ANO1: variants seen among roughly 807,000 people sequenced by gnomAD.
The protein encoded by ANO1 is anoctamin-1.
A neutral mutation model predicts 124.0 loss-of-function variants in ANO1; 59 were observed. The observed-to-expected ratio is 0.48, with a 90% CI of 0.39 to 0.59. The LOEUF (loss-of-function observed/expected upper bound fraction) is 0.59. ANO1 is among the 20% of genes least tolerant of loss of function. The probability of loss-of-function intolerance (pLI) is 0.00; values close to 1 mark genes in which losing one functional copy is unlikely to be tolerated. For missense variants in ANO1, 1,059 were observed against 1,328.0 expected (o/e 0.80, Z 3.15); for synonymous variants, 529 against 532.0 (o/e 0.99, Z 0.08).
chr11:70,116,323 G>T, intron 7 of ANO1, 135 bp from the exon 8 acceptor site: 1 of 954,594 alleles, frequency 1.0e-6, no homozygotes, highest in Non-Finnish European at 1.6e-6. Flanking sequence ...CACTCTGTGT[G>T]AAATGTTGCC....
chr11:70,003,562 C>T (rs1554999636), intron 1 of ANO1, among the ~76,000 whole-genome samples: 1 of 143,716 alleles, frequency 7.0e-6, no homozygotes, highest in African/African-American at 2.6e-5. Flanking sequence ...TAGCACAGAG[C>T]TGGGGCTTAA....
At chr11:70,000,234 T>C (rs1055504383) in intron 1 of ANO1, among the ~76,000 whole-genome samples, 4 of 152,014 alleles carry the variant, frequency 2.6e-5, no homozygotes, top group African/African-American at 9.7e-5. Flanking sequence ...GTTTCATTTG[T>C]GTGTTTGAGG....
At chr11:70,115,442 G>C (rs572457579) in intron 7 of ANO1, among the ~76,000 whole-genome samples, 4 of 152,090 alleles carry the variant, frequency 2.6e-5, no homozygotes, top group African/African-American at 9.7e-5. Flanking sequence ...GTGAAACCCT[G>C]TCTCTACTAA....
At chr11:70,145,949 A>G (rs1378932610) in intron 11 of ANO1, among the ~76,000 whole-genome samples, 1 of 125,132 alleles carries the variant, frequency 8.0e-6, no homozygotes, top group African/African-American at 4.3e-5. Flanking sequence ...AAAACAAAAA[A>G]AAAAAAAAAA....
At chr11:70,036,192 T>A (rs1555004382) in intron 1 of ANO1, among the ~76,000 whole-genome samples, 1 of 152,184 alleles carries the variant, frequency 6.6e-6, no homozygotes, top group Admixed American at 6.5e-5. Context: ...TGGAGTAGAA[T>A]CCTTCCTTGC....
intron 1 of ANO1, among the ~76,000 whole-genome samples, chr11:70,004,659 C>G (rs1296880208): frequency 1.3e-5 from 2 of 152,234 alleles, no homozygotes; most frequent in Admixed American, 6.5e-5. Flanking sequence ...CAAAAAATAT[C>G]GTGGAGCAAT....
At chr11:70,181,927 C>A (rs1471595522) in intron 23 of ANO1, among the ~76,000 whole-genome samples, 1 of 152,230 alleles carries the variant, frequency 6.6e-6, no homozygotes, top group African/African-American at 2.4e-5. Flanking sequence ...ACAGGTAAGA[C>A]ACCAGAGGCA....
chr11:70,104,258 T>A (rs1045614147), intron 4 of ANO1, 108 bp downstream of exon 4: 28 of 1,309,086 alleles, frequency 2.1e-5, no homozygotes, highest in South Asian at 1.3e-4. Context: ...GAAGAGCGTG[T>A]TCTTGTAAGA....
chr11:70,046,980 T>G (rs145215267), intron 1 of ANO1, among the ~76,000 whole-genome samples: 4,330 of 150,494 alleles, frequency 0.029, 215 homozygotes, highest in African/African-American at 0.1. Flanking sequence ...CTCGGGAGGC[T>G]GAGGCAGGAG....
At chr11:70,057,353 A>G (rs1555007034) in intron 1 of ANO1, among the ~76,000 whole-genome samples, 2 of 152,148 alleles carry the variant, frequency 1.3e-5, no homozygotes, top group African/African-American at 4.8e-5. Flanking sequence ...TATGGAAAGC[A>G]GGTCTTTTTC....
At chr11:70,088,223 G>A (rs940006852) in intron 2 of ANO1, 139 bp downstream of exon 2, 4 of 676,322 alleles carry the variant, frequency 5.9e-6, no homozygotes, top group Admixed American at 7.2e-5. Flanking sequence ...TAAAGAAGGG[G>A]CAGACGGGCC....
chr11:69,979,563 G>A, the ANO1 span, among the ~76,000 whole-genome samples: 1 of 152,246 alleles, frequency 6.6e-6, no homozygotes, highest in Non-Finnish European at 1.5e-5. Context: ...TAGCTGTATG[G>A]CATTGCCCAG....
intron 1 of ANO1, among the ~76,000 whole-genome samples, chr11:70,025,884 A>ATGG (rs1856893126): frequency 1.3e-5 from 1 of 74,598 alleles, no homozygotes; most frequent in South Asian, 5.7e-4. Flanking sequence ...GGTGGTGGTG[A>ATGG]TGATGGTGAT....
At position 70,060,725 on chromosome 11, in the gene ANO1, A is replaced by G. The variant is rs386464382; in HGVS notation, c.59-17817A>G. 5.9e-3 allele frequency among the ~76,000 whole-genome samples: 904 copies of G among 152,330 alleles called. 35 individuals carry two copies. The highest frequency in any genetic ancestry group is 1.4e-3 in the Non-Finnish European group (96 of 68,034). ...GCGGCAGCTGCCACCACACGCAGAC[A>G]TAAGAGCCAGCCTAGAACTGTGAGG... On this transcript the variant is annotated intron_variant, in intron 1 of 27. Coordinates refer to the ANO1 transcript ENST00000531349.
rs200770702 is a variant in ANO1 at position 70,052,531 on chromosome 11, C to CTTTTTTTTTTTTTTT, written c.59-25987_59-25973dup. Among the ~76,000 whole-genome samples the CTTTTTTTTTTTTTTT allele has an allele frequency of 6.5e-4, 43 of 65,902 alleles. 3 individuals carry two copies. The highest frequency in any genetic ancestry group is 1.6e-3 in the Admixed American group (10 of 6,322). 43.2% of individuals were successfully genotyped at this position (65,902 alleles called of 152,430 possible). ...TTTGGGGAGAATTTCTTTTTCTTTT[C>CTTTTTTTTTTTTTTT]TTTTTTTTTTTTTTTTTTTTTTTTT... On this transcript the variant is annotated intron_variant, in intron 1 of 27. Transcript: ENST00000531349.
intron 10 of ANO1, among the ~76,000 whole-genome samples, chr11:70,127,697 CAA>C (rs200929507): frequency 1.4e-5 from 2 of 141,966 alleles, no homozygotes; most frequent in African/African-American, 2.6e-5. Context: ...GCCCTGTAGC[CAA>C]AAAAAAAAAG....
chr11:69,995,884 G>A (rs114594144), intron 1 of ANO1, among the ~76,000 whole-genome samples: 294 of 152,268 alleles, frequency 1.9e-3, no homozygotes, highest in African/African-American at 6.7e-3. Context: ...AGGTGGAGGC[G>A]GGTGGATCAC....
chr11:70,165,633 G>GA lies in ANO1; in HGVS notation c.2051+63_2051+64insA, dbSNP rs1415499926. 5 of 1,387,812 alleles carry GA rather than the reference G, an allele frequency of 3.6e-6. No homozygotes were observed. In the Middle Eastern group the frequency reaches 1.0e-3, roughly 283 times the overall value. The allele number at this position is 1,387,812 out of a possible 1,614,324, so 86.0% of individuals were successfully genotyped here. A position where few individuals can be genotyped will look rare whatever the true frequency, so the allele number is the denominator to read the frequency against. ...GGCCAGGCGGAGGGGTGTGTGGGTG[G>GA]CTCCTGCGGGGGTCTGGGTGGACGC... On this transcript the variant is annotated intron_variant, in intron 20 of 25. Coordinates refer to ENST00000355303, the MANE Select transcript of ANO1 (RefSeq NM_018043.7).
At chr11:69,976,525 A>G in the ANO1 span, among the ~76,000 whole-genome samples, 1 of 21,376 alleles carries the variant, frequency 4.7e-5, no homozygotes, top group Admixed American at 6.0e-4. Flanking sequence ...AAAAAAAAAA[A>G]AAAAAAAAAA....
Sources: allele counts gnomAD v4.1 joint callset (sites outside exome capture counted in the v4.1 genomes callset), GRCh38; gene constraint gnomAD v4.1.1; transcripts MANE v1.5; gene names NCBI Gene and HGNC (gene_info 2026-07-23, HGNC 2026-07-21).